Variants in SH3RF1 observed in about 807,000 individuals in gnomAD.
SH3RF1 encodes the protein E3 ubiquitin-protein ligase SH3RF1.
Under a neutral mutation model 74.0 loss-of-function variants are expected in SH3RF1, and 32 were observed. The ratio of observed to expected loss-of-function variants is 0.43; its 90% CI spans 0.33 to 0.58. SH3RF1 has a LOEUF of 0.58. Among genes scored for constraint, SH3RF1 ranks in the 20% least tolerant of loss-of-function variants. SH3RF1 has a pLI of 0.05. For missense variants in SH3RF1, 954 were observed against 1,130.9 expected (o/e 0.84, Z 2.24); for synonymous variants, 396 against 439.6 (o/e 0.90, Z 1.24).
intron 7 of SH3RF1, among the ~76,000 whole-genome samples, chr4:169,121,852 A>G (rs1469134350): frequency 2.0e-5 from 3 of 152,248 alleles, no homozygotes; most frequent in African/African-American, 7.2e-5. Context: ...AAAAGTTCAA[A>G]CAGGAGTTGT....
intron 2 of SH3RF1, among the ~76,000 whole-genome samples, chr4:169,192,546 A>G (rs551948738): frequency 3.3e-5 from 5 of 152,252 alleles, no homozygotes; most frequent in Middle Eastern, 3.4e-3. Flanking sequence ...TGGGAATGTA[A>G]ACTAGTACAA....
intron 2 of SH3RF1, among the ~76,000 whole-genome samples, chr4:169,173,449 T>G (rs375437473): frequency 2.0e-5 from 3 of 150,928 alleles, no homozygotes; most frequent in Non-Finnish European, 4.4e-5. Flanking sequence ...AAAAAAAAAG[T>G]AGCAAAAGAA....
At chr4:169,154,568 G>A (rs1734023131) in intron 4 of SH3RF1, among the ~76,000 whole-genome samples, 1 of 152,002 alleles carries the variant, frequency 6.6e-6, no homozygotes, top group Admixed American at 6.6e-5. Context: ...CTTACTTTTT[G>A]GCTTTTGAAC....
At chr4:169,109,989 G>C (rs1182916727) in intron 10 of SH3RF1, among the ~76,000 whole-genome samples, 2 of 148,470 alleles carry the variant, frequency 1.3e-5, no homozygotes, top group South Asian at 4.5e-4. Flanking sequence ...TCCAGCCTGG[G>C]TGATAGAGGG....
At position 169,162,071 on chromosome 4, in the gene SH3RF1, G is replaced by A. The variant is rs186631429; in HGVS notation, c.394-5392C>T. On this transcript the variant is annotated intron_variant, in intron 2 of 11. Coordinates refer to ENST00000284637, the MANE Select transcript of SH3RF1 (RefSeq NM_020870.4). Reference sequence around the variant, plus strand: ...TGCGCCTACAGTCCCAACTACTTGCGAGGCTGAGGCAGTAGGCAGAGGTTG... The same window carrying A: ...TGCGCCTACAGTCCCAACTACTTGCAAGGCTGAGGCAGTAGGCAGAGGTTG... Among the ~76,000 whole-genome samples, 302 of 152,078 alleles carry A rather than the reference G, an allele frequency of 2.0e-3. 1 individual carries two copies. The highest frequency in any genetic ancestry group is 4.6e-3 in the Admixed American group (71 of 15,270).
intron 2 of SH3RF1, among the ~76,000 whole-genome samples, chr4:169,202,688 A>G (rs1579134870): frequency 1.3e-5 from 2 of 152,340 alleles, no homozygotes; most frequent in South Asian, 4.1e-4. Context: ...AAATAACACA[A>G]TAATTTTACC....
intron 6 of SH3RF1, among the ~76,000 whole-genome samples, chr4:169,123,788 A>T (rs932651806): frequency 4.6e-5 from 7 of 152,042 alleles, no homozygotes; most frequent in African/African-American, 9.7e-5. Flanking sequence ...GCTACTCGGG[A>T]GGCTGAGGCA....
In SH3RF1 at chr4:169,130,162, G is replaced by A. The variant is rs1236453513; in HGVS notation, c.1069-6C>T. 1.6e-5 allele frequency: 25 copies of A among 1,543,198 alleles called. No individual in the cohort carries two copies. The highest frequency in any genetic ancestry group is 3.7e-5 in the South Asian group (3 of 80,254). On this transcript the variant is annotated splice_polypyrimidine_tract_variant and splice_region_variant and intron_variant, in intron 5 of 11. Coordinates refer to ENST00000284637, the MANE Select transcript of SH3RF1 (RefSeq NM_020870.4). ...CCGGTGGTACTTATATGAACCTGCC[G>A]AGAAAAGAAAAGTTATTAAAAAGAA...
intron 2 of SH3RF1, among the ~76,000 whole-genome samples, chr4:169,179,193 C>T (rs963455722): frequency 6.6e-6 from 1 of 152,142 alleles, no homozygotes; most frequent in Admixed American, 6.5e-5. Context: ...GGTAACATGA[C>T]TAAGGGAGAA....
chr4:169,107,042 C>T lies in SH3RF1; in HGVS notation c.2303G>A (p.Gly768Asp), dbSNP rs529735470. 4 of 1,613,860 alleles carry T rather than the reference C, an allele frequency of 2.5e-6. No individual in the cohort carries two copies. Among genetic ancestry groups the T allele is most frequent in the Non-Finnish European group, 3.4e-6 (4 of 1,179,878 alleles). Residue 768 changes from glycine (G) to aspartate (D), a missense_variant, in exon 11 of 12, where the codon GGC becomes GAC. By Grantham distance (94) the Gly-to-Asp change is moderately conservative. Transcript: ENST00000284637. ...GPELPPGGGH[G>D]RAGSCPVDGD... Reference sequence around the variant, plus strand: ...GTCCACAGGGCAGGAGCCTGCCCTGCCATGGCCACCTCCTGGTGGCAGTTC... The same window carrying T: ...GTCCACAGGGCAGGAGCCTGCCCTGTCATGGCCACCTCCTGGTGGCAGTTC...
At chr4:169,222,245 C>A (rs1730578585) in intron 2 of SH3RF1, among the ~76,000 whole-genome samples, 1 of 152,102 alleles carries the variant, frequency 6.6e-6, no homozygotes, top group South Asian at 2.1e-4. Context: ...AGGTAGATCA[C>A]TTGAGATCGG....
intron 2 of SH3RF1, among the ~76,000 whole-genome samples, chr4:169,240,860 C>T (rs1361503831): frequency 1.3e-5 from 2 of 152,150 alleles, no homozygotes; most frequent in African/African-American, 2.4e-5. Flanking sequence ...CATGTATTCA[C>T]CAGACCAAAC....
chr4:169,265,853 A>C (rs1731344101), intron 2 of SH3RF1, among the ~76,000 whole-genome samples: 1 of 152,238 alleles, frequency 6.6e-6, no homozygotes, highest in African/African-American at 2.4e-5. Context: ...GATTCCTTAA[A>C]TCATTGGAAC....
At chr4:169,184,935 C>T (rs571016957) in intron 2 of SH3RF1, among the ~76,000 whole-genome samples, 1 of 152,206 alleles carries the variant, frequency 6.6e-6, no homozygotes, top group South Asian at 2.1e-4. Context: ...ACTCTAGGTC[C>T]CTCACCTTAG....
chr4:169,148,798 A>G (rs1450591284), intron 4 of SH3RF1, among the ~76,000 whole-genome samples: 1 of 152,170 alleles, frequency 6.6e-6, no homozygotes, highest in Non-Finnish European at 1.5e-5. Context: ...GAGGAATGAT[A>G]GTATTTATTT....
Position 169,264,516 on chromosome 4 carries a change from T to C in SH3RF1, c.393+4304A>G, listed in dbSNP as rs955273855. 2.2e-4 allele frequency among the ~76,000 whole-genome samples: 33 copies of C among 152,310 alleles called. 1 individual carries two copies. Among genetic ancestry groups the C allele is most frequent in the African/African-American group, 6.7e-4 (28 of 41,562 alleles). On this transcript the variant is annotated intron_variant, in intron 2 of 11. Transcript: ENST00000284637. ...GAAAGAGGGAGAAAGGAGGTATGAC[T>C]GTGCTATGGAGAAATGAAAGCAGAC...
At chr4:169,193,730 A>G (rs1053243669) in intron 2 of SH3RF1, among the ~76,000 whole-genome samples, 1 of 152,200 alleles carries the variant, frequency 6.6e-6, no homozygotes, top group Non-Finnish European at 1.5e-5. Context: ...CCTGAAGGAA[A>G]GGTCCCTCAG....
intron 11 of SH3RF1, among the ~76,000 whole-genome samples, chr4:169,102,915 CTTTTTTTTTTTTTTT>C (rs66574732): frequency 3.0e-5 from 2 of 66,876 alleles, no homozygotes; most frequent in Non-Finnish European, 4.9e-5. Context: ...CAGTCACATT[CTTTTTTTTTTTTTTT>C]TTTTTTTTTG....
intron 2 of SH3RF1, among the ~76,000 whole-genome samples, chr4:169,210,824 G>A (rs1730349359): frequency 6.6e-6 from 1 of 152,102 alleles, no homozygotes; most frequent in Admixed American, 6.6e-5. Context: ...TCCATTTTCT[G>A]TACATCACTT....
Sources: allele counts gnomAD v4.1 joint callset (sites outside exome capture counted in the v4.1 genomes callset), GRCh38; gene constraint gnomAD v4.1.1; transcripts MANE v1.5; gene names NCBI Gene and HGNC (gene_info 2026-07-23, HGNC 2026-07-21).